NGF: variants seen among roughly 807,000 people sequenced by gnomAD.
NGF encodes nerve growth factor.
NGF carries 4 observed loss-of-function variants against 12.8 expected under a neutral mutation model. The observed-to-expected ratio is 0.31, with a 90% confidence interval of 0.15 to 0.72. The LOEUF is 0.72. Ranked by LOEUF, NGF falls within the 30% of genes least tolerant of loss-of-function variation. The pLI is 0.69. For missense variants in NGF, 283 were observed against 330.8 expected (o/e 0.86, Z 1.12); for synonymous variants, 140 against 130.0 (o/e 1.08, Z -0.52).
chr1:115,315,672 G>A (rs751146315), intron 1 of NGF, among the ~76,000 whole-genome samples: 1 of 152,140 alleles, frequency 6.6e-6, no homozygotes, highest in African/African-American at 2.4e-5. Context: ...ATTTGAATAG[G>A]CAGTTGATAT....
chr1:115,328,431 G>C (rs546163254), intron 1 of NGF, among the ~76,000 whole-genome samples: 1 of 152,282 alleles, frequency 6.6e-6, no homozygotes, highest in Admixed American at 6.5e-5. Context: ...GTTGAGGGCT[G>C]GAGTTAGGAT....
chr1:115,337,055 C>T (rs1655127009), intron 1 of NGF, among the ~76,000 whole-genome samples: 1 of 152,128 alleles, frequency 6.6e-6, no homozygotes, highest in Non-Finnish European at 1.5e-5. Flanking sequence ...TTAATACCCA[C>T]AGCACCCAAA....
rs537524404 is a variant in NGF, at chr1:115,305,061, A to G, written c.-136-11311T>C. 7.8e-4 allele frequency among the ~76,000 whole-genome samples: 119 copies of G among 152,352 alleles called. 1 individual carries two copies. The highest frequency in any genetic ancestry group is 2.6e-3 in the African/African-American group (107 of 41,582). ...AGTATTAATAAGGATAGAATGACCT[A>G]TATTTTATGTATGAAATTAAATGTA... On this transcript the variant is annotated intron_variant, in intron 1 of 2. Transcript: ENST00000369512.
intron 1 of NGF, among the ~76,000 whole-genome samples, chr1:115,316,166 C>G (rs1571088955): frequency 6.6e-6 from 1 of 152,322 alleles, no homozygotes; most frequent in South Asian, 2.1e-4. Flanking sequence ...CTTTGCTGCT[C>G]TGTGACATGG....
At chr1:115,291,858 A>C (rs1043554871) in intron 2 of NGF, among the ~76,000 whole-genome samples, 1 of 152,100 alleles carries the variant, frequency 6.6e-6, no homozygotes, top group African/African-American at 2.4e-5. Flanking sequence ...ATGCCTGGGG[A>C]GATGTGTTGT....
At chr1:115,322,096 G>C (rs1445917506) in intron 1 of NGF, among the ~76,000 whole-genome samples, 1 of 152,152 alleles carries the variant, frequency 6.6e-6, no homozygotes, top group Non-Finnish European at 1.5e-5. Context: ...TGGTACCTTT[G>C]ATCATAAATG....
At chr1:115,289,876 G>A (rs1054482844) in intron 2 of NGF, among the ~76,000 whole-genome samples, 3 of 151,912 alleles carry the variant, frequency 2.0e-5, no homozygotes, top group South Asian at 2.1e-4. Flanking sequence ...AGCCCTTTTG[G>A]TTCTGGTTTG....
At chr1:115,297,151 G>C (rs59257909) in intron 1 of NGF, among the ~76,000 whole-genome samples, 7,090 of 152,176 alleles carry the variant, frequency 0.047, 538 homozygotes, top group African/African-American at 0.16. Context: ...GCAAATTCTT[G>C]GGTTTTACCA....
At position 115,296,750 on chromosome 1, in the gene NGF, T is replaced by C. The variant is rs111467733; in HGVS notation, c.-136-3000A>G. ...ATAATGAAACTCTAAATGATTTTTA[T>C]AGATATTGTTGTCATTGTTTTTAGT... On this transcript the variant is annotated intron_variant, in intron 1 of 2. Coordinates refer to ENST00000369512, the MANE Select transcript of NGF (RefSeq NM_002506.3). 3.7e-3 allele frequency among the ~76,000 whole-genome samples: 558 copies of C among 152,388 alleles called. 4 individuals carry two copies. The highest frequency in any genetic ancestry group is 5.7e-3 in the Non-Finnish European group (385 of 68,040).
intron 1 of NGF, among the ~76,000 whole-genome samples, chr1:115,305,497 A>G (rs1218253640): frequency 3.3e-5 from 5 of 152,238 alleles, no homozygotes; most frequent in Admixed American, 6.5e-5. Context: ...TTCCGCTTCC[A>G]TGATATGGAT....
chr1:115,292,668 A>C (rs1653740690), intron 2 of NGF, among the ~76,000 whole-genome samples: 1 of 152,186 alleles, frequency 6.6e-6, no homozygotes, highest in Non-Finnish European at 1.5e-5. Context: ...GAGAGGCCTG[A>C]AGCCGTATGC....
intron 1 of NGF, among the ~76,000 whole-genome samples, chr1:115,330,493 C>G (rs905851009): frequency 2.0e-5 from 3 of 152,140 alleles, no homozygotes; most frequent in Non-Finnish European, 2.9e-5. Context: ...ATCAATCCAC[C>G]CTCCAGAGTA....
intron 1 of NGF, among the ~76,000 whole-genome samples, chr1:115,332,260 A>G (rs1443184428): frequency 6.6e-6 from 1 of 152,216 alleles, no homozygotes; most frequent in African/African-American, 2.4e-5. Flanking sequence ...TTGCCTCTGA[A>G]AGAAAATTAC....
intron 1 of NGF, among the ~76,000 whole-genome samples, chr1:115,315,044 G>A (rs1393326171): frequency 6.6e-6 from 1 of 152,168 alleles, no homozygotes; most frequent in Non-Finnish European, 1.5e-5. Context: ...GCCAGTGTGA[G>A]GTCCTGAGGC....
At chr1:115,291,555 A>G (rs1482096240) in intron 2 of NGF, among the ~76,000 whole-genome samples, 1 of 152,186 alleles carries the variant, frequency 6.6e-6, no homozygotes, top group Non-Finnish European at 1.5e-5. Flanking sequence ...TCCTACTCCT[A>G]CCTAGAATGG....
At chr1:115,302,479 C>T (rs1260859196) in intron 1 of NGF, among the ~76,000 whole-genome samples, 1 of 152,074 alleles carries the variant, frequency 6.6e-6, no homozygotes, top group Non-Finnish European at 1.5e-5. Flanking sequence ...GCAATCACCT[C>T]ATTGTTTAGT....
intron 1 of NGF, among the ~76,000 whole-genome samples, chr1:115,327,686 A>G (rs528127512): frequency 1.3e-5 from 2 of 152,226 alleles, no homozygotes; most frequent in Non-Finnish European, 2.9e-5. Flanking sequence ...TTCAGCACAA[A>G]AAAAGTAAGT....
intron 1 of NGF, among the ~76,000 whole-genome samples, chr1:115,331,785 T>C (rs1654928920): frequency 6.6e-6 from 1 of 152,232 alleles, no homozygotes; most frequent in Non-Finnish European, 1.5e-5. Context: ...CTTTTAGTTA[T>C]GACTCCTGAG....
At chr1:115,319,050 A>G (rs1654548168) in intron 1 of NGF, among the ~76,000 whole-genome samples, 1 of 152,168 alleles carries the variant, frequency 6.6e-6, no homozygotes, top group South Asian at 2.1e-4. Flanking sequence ...GGGGAGACAT[A>G]CAGGTCTTAT....
Sources: gnomAD v4.1 joint callset for allele counts (sites outside exome capture counted in the v4.1 genomes callset) on GRCh38, gnomAD v4.1.1 for gene constraint, MANE v1.5 for transcripts, NCBI Gene and HGNC (gene_info 2026-07-23, HGNC 2026-07-21) for gene names.